RIMKLB: variants seen among roughly 807,000 people sequenced by gnomAD.
The protein encoded by RIMKLB is beta-citrylglutamate synthase B.
A neutral mutation model predicts 32.0 loss-of-function variants in RIMKLB; 7 were observed. That is an observed-to-expected ratio of 0.22 (90% CI 0.12 to 0.41). RIMKLB has a LOEUF of 0.41. Ranked by LOEUF, RIMKLB falls within the 10% of genes least tolerant of loss-of-function variation. The pLI is 1.00. For synonymous variants in RIMKLB, 172 were observed against 185.1 expected, an observed-to-expected ratio of 0.93 and a Z score of 0.57; for missense variants, 289 against 498.7, an observed-to-expected ratio of 0.58 and a Z score of 4.00.
intron 2 of RIMKLB, among the ~76,000 whole-genome samples, chr12:8,722,775 T>C (rs141248066): frequency 7.7e-4 from 117 of 152,376 alleles, no homozygotes; most frequent in African/African-American, 2.6e-3. Context: ...AGCTTTCACA[T>C]AAGCAGCTGC....
the RIMKLB span, among the ~76,000 whole-genome samples, chr12:8,674,270 G>A: frequency 8.3e-5 from 10 of 121,074 alleles, no homozygotes; most frequent in African/African-American, 1.6e-4. Flanking sequence ...ACGGAGTCTC[G>A]CTCCATTGCC....
At chr12:8,753,413 A>G (rs1375140319) in intron 4 of RIMKLB, among the ~76,000 whole-genome samples, 1 of 152,196 alleles carries the variant, frequency 6.6e-6, no homozygotes, top group Non-Finnish European at 1.5e-5. Flanking sequence ...AAAAACAGCC[A>G]CTTCCGTTGG....
upstream of RIMKLB, chr12:8,697,208 C>T (rs10842143): frequency 0.31 from 46,962 of 151,998 alleles, 7,456 homozygotes; most frequent in South Asian, 0.5. Context: ...GCAGAGCTGG[C>T]GCTATCCACC....
intron 1 of RIMKLB, among the ~76,000 whole-genome samples, chr12:8,713,207 C>G (rs1944526167): frequency 6.6e-6 from 1 of 152,040 alleles, no homozygotes; most frequent in Non-Finnish European, 1.5e-5. Flanking sequence ...ATTGAGAGCC[C>G]TTTTGCTCAT....
chr12:8,751,406 T>G (rs748612169), intron 3 of RIMKLB, among the ~76,000 whole-genome samples: 1 of 152,200 alleles, frequency 6.6e-6, no homozygotes, highest in Admixed American at 6.5e-5. Flanking sequence ...CATTTGTTTT[T>G]GGGCAATAAA....
At chr12:8,728,510 G>GTTTTGTAT (rs1244710605) in intron 2 of RIMKLB, among the ~76,000 whole-genome samples, 2 of 152,110 alleles carry the variant, frequency 1.3e-5, no homozygotes, top group Non-Finnish European at 2.9e-5. Context: ...GGGGGCTGGA[G>GTTTTGTAT]TTTTGTATTT....
chr12:8,776,115 T>A lies in RIMKLB; in HGVS notation c.*2331T>A. On this transcript the variant is annotated 3_prime_UTR_variant, in exon 6 of 6. Transcript: ENST00000535829. ...ATAGTTACATATCACAAGTATGTAG[T>A]TCATGTTTGTGTTGGTGGGGTAAGG... 1 of 985,052 alleles carries A rather than the reference T, an allele frequency of 1.0e-6. No homozygotes were observed. Among genetic ancestry groups the A allele is most frequent in the Non-Finnish European group, 1.2e-6 (1 of 829,574 alleles). The allele number at this position is 985,052 out of a possible 1,614,324, so 61.0% of individuals were successfully genotyped here. A position where few individuals can be genotyped will look rare whatever the true frequency, so the allele number is the denominator to read the frequency against.
upstream of RIMKLB, among the ~76,000 whole-genome samples, chr12:8,695,567 CT>C (rs1224206899): frequency 6.6e-6 from 1 of 151,642 alleles, no homozygotes; most frequent in African/African-American, 2.4e-5. Context: ...TTATCATTGG[CT>C]TTTTTTAAAT....
rs1369299677 is a variant in RIMKLB at position 8,742,449 on chromosome 12, T to C, written c.176-7413T>C. ...CATGGTGTCTGGAACCTTTATGTCC[T>C]ACAAAGAGCACATGGAGGAGGAGGA... is the stretch of plus-strand genomic sequence containing the variant. On this transcript the variant is annotated intron_variant, in intron 2 of 5. Coordinates refer to ENST00000535829, the MANE Select transcript of RIMKLB (RefSeq NM_001297776.2). The C allele has an allele frequency of 6.4e-5, 24 of 375,110 alleles. 1 individual carries two copies. Among genetic ancestry groups the C allele is most frequent in the Non-Finnish European group, 1.2e-4 (24 of 192,672 alleles). The allele number at this position is 375,110 out of a possible 1,614,324, so 23.2% of individuals were successfully genotyped here.
chr12:8,673,630 C>G, the RIMKLB span, among the ~76,000 whole-genome samples: 1 of 151,214 alleles, frequency 6.6e-6, no homozygotes, highest in Non-Finnish European at 1.5e-5. Context: ...GAGTCTTGCT[C>G]TGTCACTCAG....
At position 8,774,009 on chromosome 12, in the gene RIMKLB, A is replaced by G; in HGVS notation, c.*225A>G. Reference sequence around the variant, plus strand: ...GAGGCAGAATAGGTGGGGTATAGAAAAATGTCAGGCTCTCATAGTTACCCT... The same window carrying G: ...GAGGCAGAATAGGTGGGGTATAGAAGAATGTCAGGCTCTCATAGTTACCCT... On this transcript the variant is annotated 3_prime_UTR_variant, in exon 6 of 6. Coordinates refer to ENST00000535829, the MANE Select transcript of RIMKLB (RefSeq NM_001297776.2). 1 of 1,340,378 alleles carries G rather than the reference A, an allele frequency of 7.5e-7. No homozygotes were observed. Among genetic ancestry groups the G allele is most frequent in the Non-Finnish European group, 9.5e-7 (1 of 1,049,320 alleles). 83.0% of individuals were successfully genotyped at this position (1,340,378 alleles called of 1,614,324 possible).
chr12:8,716,427 A>G (rs759677528), intron 2 of RIMKLB, among the ~76,000 whole-genome samples: 3 of 116,102 alleles, frequency 2.6e-5, no homozygotes, highest in South Asian at 2.7e-4. Context: ...TACCATTAAC[A>G]TGTCTTTTTT....
chr12:8,726,762 G>A (rs1256499828), intron 2 of RIMKLB, among the ~76,000 whole-genome samples: 1 of 151,454 alleles, frequency 6.6e-6, no homozygotes, highest in Non-Finnish European at 1.5e-5. Flanking sequence ...TTGATCCACT[G>A]ACAATCTCTG....
At chr12:8,692,878 A>G (rs773638062), upstream of RIMKLB, among the ~76,000 whole-genome samples, 4 of 152,292 alleles carry the variant, frequency 2.6e-5, no homozygotes, top group Admixed American at 2.6e-4. Flanking sequence ...ACCGTTCCTT[A>G]TTTGCTAGTC....
downstream of RIMKLB, chr12:8,777,575 A>G (rs1193371764): frequency 1.6e-6 from 2 of 1,286,114 alleles, no homozygotes; most frequent in Non-Finnish European, 2.0e-6. Context: ...TTGCACTGTT[A>G]CTGTTCTTTA....
At chr12:8,682,402 C>A (rs1160440133) in intron 1 of RIMKLB, among the ~76,000 whole-genome samples, 1 of 152,134 alleles carries the variant, frequency 6.6e-6, no homozygotes, top group Non-Finnish European at 1.5e-5. Flanking sequence ...CATTTATAGT[C>A]GGTTTCCTTC....
At chr12:8,777,215 C>CTTTTTTTTTTTTTT (rs35828763), downstream of RIMKLB, 33 of 703,872 alleles carry the variant, frequency 4.7e-5, 1 homozygote, top group Admixed American at 3.6e-4. Flanking sequence ...TGCTTGCTTT[C>CTTTTTTTTTTTTTT]TTTTTTTTTT....
chr12:8,682,305 C>T (rs989095565), intron 1 of RIMKLB, among the ~76,000 whole-genome samples: 9 of 152,124 alleles, frequency 5.9e-5, no homozygotes, highest in Admixed American at 1.3e-4. Flanking sequence ...TTACACTTCC[C>T]GTTGGTTGCT....
At chr12:8,755,032 A>C (rs1023114282) in intron 5 of RIMKLB, among the ~76,000 whole-genome samples, 1 of 152,102 alleles carries the variant, frequency 6.6e-6, no homozygotes, top group Admixed American at 6.6e-5. Context: ...GCTCACTGCA[A>C]CCTCCACCTC....
Sources: allele counts gnomAD v4.1 joint callset (sites outside exome capture counted in the v4.1 genomes callset), GRCh38; gene constraint gnomAD v4.1.1; transcripts MANE v1.5; gene names NCBI Gene and HGNC (gene_info 2026-07-23, HGNC 2026-07-21).